SMCHD1: variants seen among roughly 807,000 people sequenced by gnomAD.
The protein encoded by SMCHD1 is structural maintenance of chromosomes flexible hinge domain-containing protein 1.
Under a neutral mutation model 254.7 loss-of-function variants are expected in SMCHD1, and 78 were observed. The ratio of observed to expected loss-of-function variants is 0.31; its 90% CI spans 0.26 to 0.37. The LOEUF is 0.37. Among genes scored for constraint, SMCHD1 ranks in the 10% least tolerant of loss-of-function variants. The probability of loss-of-function intolerance (pLI) is 1.00; values close to 1 mark genes in which losing one functional copy is unlikely to be tolerated. For synonymous variants in SMCHD1, 766 were observed against 794.9 expected, an observed-to-expected ratio of 0.96 and a Z score of 0.61; for missense variants, 1,840 against 2,408.1, an observed-to-expected ratio of 0.76 and a Z score of 4.94.
At chr18:2,679,467 G>A (rs1233882705) in intron 5 of SMCHD1, among the ~76,000 whole-genome samples, 37 of 50,694 alleles carry the variant, frequency 7.3e-4, no homozygotes, top group African/African-American at 1.7e-3. Flanking sequence ...GTGACAGAGC[G>A]AGACTCCATC....
chr18:2,790,747 C>T (rs191420957), intron 45 of SMCHD1, among the ~76,000 whole-genome samples: 5 of 152,124 alleles, frequency 3.3e-5, no homozygotes, highest in Admixed American at 2.0e-4. Context: ...GGCAACAGAG[C>T]GAGATTCCAT....
chr18:2,682,613 C>T (rs117503079), intron 5 of SMCHD1, among the ~76,000 whole-genome samples: 13,373 of 152,266 alleles, frequency 0.088, 767 homozygotes, highest in Middle Eastern at 0.19. Context: ...TGAGCCACCG[C>T]GCCCGGCCCC....
chr18:2,793,011 AT>A (rs2076193761), intron 45 of SMCHD1, among the ~76,000 whole-genome samples: 1 of 151,986 alleles, frequency 6.6e-6, no homozygotes, highest in Non-Finnish European at 1.5e-5. Flanking sequence ...GTTCTGGTGT[AT>A]TTTTTCTTGT....
intron 25 of SMCHD1, among the ~76,000 whole-genome samples, chr18:2,733,959 T>G (rs918767063): frequency 1.3e-5 from 2 of 152,228 alleles, no homozygotes; most frequent in Admixed American, 1.3e-4. Context: ...TTTGGAGAGT[T>G]AACATGTTTG....
At chr18:2,706,262 G>T in intron 14 of SMCHD1, 102 bp from the exon 15 acceptor site, 1 of 734,668 alleles carries the variant, frequency 1.4e-6, no homozygotes, top group Non-Finnish European at 2.2e-6. Context: ...TACTTAATTA[G>T]GATAAAATAT....
At chr18:2,755,077 C>T (rs1162347540) in intron 34 of SMCHD1, among the ~76,000 whole-genome samples, 2 of 152,070 alleles carry the variant, frequency 1.3e-5, no homozygotes, top group African/African-American at 2.4e-5. Flanking sequence ...AATTTAGAGA[C>T]AGGGTCTCAC....
At chr18:2,673,222 C>T in intron 3 of SMCHD1, 59 bp from the exon 4 acceptor site, 1 of 1,488,540 alleles carries the variant, frequency 6.7e-7, no homozygotes, top group Non-Finnish European at 9.0e-7. Context: ...CTTCTTTGAA[C>T]TTTTATATAA....
chr18:2,803,852 G>GT lies in SMCHD1; in HGVS notation c.*1306dup, dbSNP rs1266984711. On this transcript the variant is annotated 3_prime_UTR_variant, in exon 48 of 48. Coordinates refer to ENST00000320876, the MANE Select transcript of SMCHD1 (RefSeq NM_015295.3). The stretch of plus-strand genomic sequence containing the variant: ...GGGACCTGAAGTGTTTTGGATTTTG[G>GT]TTTTTTGTGGGGTTTTTAAATTATT... The GT allele has an allele frequency of 6.6e-6, 1 of 152,038 alleles. No individual in the cohort carries two copies. Among genetic ancestry groups the GT allele is most frequent in the Non-Finnish European group, 1.5e-5 (1 of 68,016 alleles). The allele number at this position is 152,038 out of a possible 1,614,324, so 9.4% of individuals were successfully genotyped here.
intron 22 of SMCHD1, 68 bp from the exon 23 acceptor site, chr18:2,728,389 C>T: frequency 1.4e-6 from 2 of 1,424,688 alleles, no homozygotes; most frequent in Admixed American, 4.5e-5. Context: ...AAAGTTATTT[C>T]TTTTGCTATT....
intron 1 of SMCHD1, among the ~76,000 whole-genome samples, chr18:2,663,750 T>C (rs2073359316): frequency 6.6e-6 from 1 of 151,596 alleles, no homozygotes; most frequent in Admixed American, 6.6e-5. Context: ...AGTCTCGCTC[T>C]GTCGCCCAGG....
intron 5 of SMCHD1, among the ~76,000 whole-genome samples, chr18:2,682,339 T>G (rs2073951636): frequency 6.6e-6 from 1 of 152,024 alleles, no homozygotes; most frequent in African/African-American, 2.4e-5. Flanking sequence ...TCCTTTTTCT[T>G]TTTTGAGACA....
chr18:2,779,844 G>A (rs2076125509), intron 44 of SMCHD1, among the ~76,000 whole-genome samples: 1 of 151,872 alleles, frequency 6.6e-6, no homozygotes, highest in South Asian at 2.1e-4. Context: ...AATAAAAATT[G>A]TTAAAGAGGT....
At chr18:2,783,797 T>C (rs930246657) in intron 44 of SMCHD1, among the ~76,000 whole-genome samples, 1 of 152,154 alleles carries the variant, frequency 6.6e-6, no homozygotes, top group Non-Finnish European at 1.5e-5. Flanking sequence ...GGTCTCGAAC[T>C]CCTGACCTCG....
At chr18:2,730,564 A>G (rs766154543) in intron 24 of SMCHD1, among the ~76,000 whole-genome samples, 1 of 152,234 alleles carries the variant, frequency 6.6e-6, no homozygotes, top group Non-Finnish European at 1.5e-5. Flanking sequence ...CAAGAGCTGT[A>G]AACAATCTAA....
chr18:2,755,865 C>T (rs2075669651), intron 34 of SMCHD1, among the ~76,000 whole-genome samples: 1 of 152,074 alleles, frequency 6.6e-6, no homozygotes, highest in Non-Finnish European at 1.5e-5. Flanking sequence ...CCGCCCTCGG[C>T]CGTGTATTTT....
Position 2,795,671 on chromosome 18 carries a change from G to A in SMCHD1, c.5720-278G>A, listed in dbSNP as rs1205810656. Reference sequence around the variant, plus strand: ...AAGATATAAACACTGGCTTGAGAGAGTGATCCAATAAAAAACAGAGCACTT... The same window carrying A: ...AAGATATAAACACTGGCTTGAGAGAATGATCCAATAAAAAACAGAGCACTT... On this transcript the variant is annotated intron_variant, in intron 45 of 47. Transcript: ENST00000320876. Among the ~76,000 whole-genome samples the A allele has an allele frequency of 5.3e-5, 8 of 152,194 alleles. No homozygotes were observed. The South Asian group carries it at 6.2e-4, about 12-fold the overall frequency.
At chr18:2,750,728 T>TCCC (rs2075555296) in intron 32 of SMCHD1, among the ~76,000 whole-genome samples, 1 of 152,102 alleles carries the variant, frequency 6.6e-6, no homozygotes, top group African/African-American at 2.4e-5. Flanking sequence ...AAAGGATGAA[T>TCCC]CCCTATACAT....
intron 9 of SMCHD1, among the ~76,000 whole-genome samples, chr18:2,697,377 A>C (rs1263018277): frequency 6.6e-6 from 1 of 152,200 alleles, no homozygotes; most frequent in African/African-American, 2.4e-5. Context: ...GTTACTGAAC[A>C]TCAATCATCT....
At chr18:2,686,952 T>C (rs781771202) in intron 5 of SMCHD1, among the ~76,000 whole-genome samples, 20 of 152,302 alleles carry the variant, frequency 1.3e-4, no homozygotes, top group Non-Finnish European at 2.1e-4. Context: ...TGTCTTCTGC[T>C]GTTTTGTTTT....
Sources: gnomAD v4.1 joint callset for allele counts (sites outside exome capture counted in the v4.1 genomes callset) on GRCh38, gnomAD v4.1.1 for gene constraint, MANE v1.5 for transcripts, NCBI Gene and HGNC (gene_info 2026-07-23, HGNC 2026-07-21) for gene names.